ZNF738: variants seen among roughly 807,000 people sequenced by gnomAD.
ZNF738 encodes protein ZNF738.
Under a neutral mutation model 9.2 loss-of-function variants are expected in ZNF738, and 10 were observed. That is an observed-to-expected ratio of 1.09 (90% CI 0.67 to 1.85). The LOEUF (loss-of-function observed/expected upper bound fraction) is 1.85. ZNF738 is among the 40% of genes most tolerant of loss of function. ZNF738 has a pLI of 0.00. For synonymous variants in ZNF738, 113 were observed against 94.5 expected (o/e 1.20, Z -1.14); for missense variants, 346 against 283.6 (o/e 1.22, Z -1.58).
In ZNF738 at chr19:21,367,225, T is replaced by C. The variant is rs146616688; in HGVS notation, c.96+5367T>C. On this transcript the variant is annotated intron_variant, in intron 2 of 4. Coordinates refer to ENST00000683779, the MANE Select transcript of ZNF738 (RefSeq NM_001355237.2). ...TCTTTCTACATCTTTTTTTGTCCTA[T>C]ACATTTCTTCTATTTGACTTTCCTC... Among the ~76,000 whole-genome samples, 1,491 of 152,338 alleles carry C rather than the reference T, an allele frequency of 9.8e-3. 15 individuals carry two copies. Among genetic ancestry groups the C allele is most frequent in the Middle Eastern group, 0.027 (8 of 294 alleles).
At chr19:21,373,543 CAT>C (rs1973883331) in intron 2 of ZNF738, among the ~76,000 whole-genome samples, 1 of 152,172 alleles carries the variant, frequency 6.6e-6, no homozygotes, top group African/African-American at 2.4e-5. Context: ...AATAGAGAAA[CAT>C]ATTTTTATAT....
At chr19:21,363,978 C>T (rs1012639130) in intron 2 of ZNF738, among the ~76,000 whole-genome samples, 1 of 151,664 alleles carries the variant, frequency 6.6e-6, no homozygotes, top group African/African-American at 2.4e-5. Context: ...GGGCATACCA[C>T]CTGATGTCAG....
rs151264437 is a variant in ZNF738 at position 21,367,855 on chromosome 19, A to G, written c.96+5997A>G. Among the ~76,000 whole-genome samples the G allele has an allele frequency of 7.8e-3, 1,194 of 152,262 alleles. 10 individuals are homozygous for G. Among genetic ancestry groups the G allele is most frequent in the Non-Finnish European group, 0.012 (810 of 68,018 alleles). On this transcript the variant is annotated intron_variant, in intron 2 of 4. Coordinates refer to ENST00000683779, the MANE Select transcript of ZNF738 (RefSeq NM_001355237.2). ...CAGGAACTTCACCACAGCATATTTG[A>G]TCCTAGGGTTTCTTGCCAAAAAGAC...
In ZNF738 at chr19:21,385,612, T is replaced by C. The variant is rs1003796915; in HGVS notation, c.*1938T>C. Among the ~76,000 whole-genome samples, 1 of 152,198 alleles carries C rather than the reference T, an allele frequency of 6.6e-6. No homozygotes were observed. Among genetic ancestry groups the C allele is most frequent in the Non-Finnish European group, 1.5e-5 (1 of 68,038 alleles). ...AAGGAAACCCTACAAATGTAAAGAA[T>C]GTGAGAAAGCTTTTAACTGGTACTC... On this transcript the variant is annotated 3_prime_UTR_variant, in exon 5 of 5. Transcript: ENST00000683779.
chr19:21,380,877 T>C (rs997210546), intron 4 of ZNF738, among the ~76,000 whole-genome samples: 4 of 152,158 alleles, frequency 2.6e-5, no homozygotes, highest in African/African-American at 4.8e-5. Context: ...GGGGGATGCA[T>C]GTTCAAGCCA....
rs376944293 is a variant in ZNF738, at chr19:21,371,413, A to G, written c.97-3825A>G. Reference sequence around the variant, plus strand: ...TTATGTTTCTGTCTCGTTGTAAGAGAAAGGAGACATCCTGTGTTTTTTTCT... The same window carrying G: ...TTATGTTTCTGTCTCGTTGTAAGAGGAAGGAGACATCCTGTGTTTTTTTCT... On this transcript the variant is annotated intron_variant, in intron 2 of 4. Transcript: ENST00000683779. Among the ~76,000 whole-genome samples, 5 of 152,324 alleles carry G rather than the reference A, an allele frequency of 3.3e-5. No individual in the cohort carries two copies. In the East Asian group the frequency reaches 9.7e-4, roughly 29 times the overall value.
At chr19:21,380,376 T>A (rs1285548619) in intron 4 of ZNF738, among the ~76,000 whole-genome samples, 3 of 152,192 alleles carry the variant, frequency 2.0e-5, no homozygotes, top group African/African-American at 7.2e-5. Context: ...GGGCAGAGCA[T>A]GTGTCACCTA....
chr19:21,362,388 G>A (rs1053893817), intron 2 of ZNF738, among the ~76,000 whole-genome samples: 1 of 152,198 alleles, frequency 6.6e-6, no homozygotes, highest in Non-Finnish European at 1.5e-5. Context: ...GTGAGATGGT[G>A]TAAGAACTTG....
intron 2 of ZNF738, among the ~76,000 whole-genome samples, chr19:21,368,292 T>A (rs1452068066): frequency 6.6e-6 from 1 of 151,938 alleles, no homozygotes; most frequent in Non-Finnish European, 1.5e-5. Flanking sequence ...CTTCTTTATG[T>A]CCATGTGTTC....
chr19:21,373,768 G>GA (rs1266511122), intron 2 of ZNF738, among the ~76,000 whole-genome samples: 3 of 142,768 alleles, frequency 2.1e-5, no homozygotes, highest in South Asian at 2.3e-4. Context: ...GACAAAAGAG[G>GA]AAAAATGGCT....
intron 2 of ZNF738, among the ~76,000 whole-genome samples, chr19:21,370,391 A>G (rs1422088814): frequency 6.6e-6 from 1 of 152,096 alleles, no homozygotes; most frequent in Non-Finnish European, 1.5e-5. Flanking sequence ...GAATAATGCT[A>G]TTTTTATAGA....
chr19:21,382,083 T>TTTC (rs61105772), intron 4 of ZNF738, among the ~76,000 whole-genome samples: 7 of 147,980 alleles, frequency 4.7e-5, no homozygotes, highest in African/African-American at 1.7e-4. Context: ...TTTTTTTTTT[T>TTTC]GAGATGTAGT....
Position 21,383,693 on chromosome 19 carries a change from G to T in ZNF738, c.*19G>T. The T allele has an allele frequency of 2.1e-6, 2 of 943,564 alleles. No homozygotes were observed. The highest frequency in any genetic ancestry group is 3.4e-6 in the Non-Finnish European group (2 of 596,926). 58.4% of individuals were successfully genotyped at this position (943,564 alleles called of 1,614,324 possible). A position where few individuals can be genotyped will look rare whatever the true frequency, so the allele number is the denominator to read the frequency against. On this transcript the variant is annotated 3_prime_UTR_variant, in exon 5 of 5. Coordinates refer to ENST00000683779, the MANE Select transcript of ZNF738 (RefSeq NM_001355237.2). ...TGAATAATGTGGCAAAGCCTTTAAT[G>T]TATTCGCAACCCTTACTAGACATAA...
chr19:21,368,471 T>C (rs112565352), intron 2 of ZNF738, among the ~76,000 whole-genome samples: 8 of 152,294 alleles, frequency 5.3e-5, no homozygotes, highest in African/African-American at 1.4e-4. Flanking sequence ...TTTTTTTTCT[T>C]TTTTTTGAGA....
chr19:21,368,494 C>G (rs952435657), intron 2 of ZNF738, among the ~76,000 whole-genome samples: 1 of 151,636 alleles, frequency 6.6e-6, no homozygotes, highest in African/African-American at 2.4e-5. Flanking sequence ...TAGTTCTGCT[C>G]TTGTTGTCCA....
chr19:21,365,529 T>A (rs529016722), intron 2 of ZNF738, among the ~76,000 whole-genome samples: 3 of 152,290 alleles, frequency 2.0e-5, no homozygotes, highest in South Asian at 4.1e-4. Flanking sequence ...ATGATATTCT[T>A]GCTTAACTAT....
chr19:21,381,117 G>T, intron 4 of ZNF738: 1 of 724,128 alleles, frequency 1.4e-6, no homozygotes, highest in Non-Finnish European at 2.4e-6. Flanking sequence ...TTCCTTACAA[G>T]GCAGCAGCAC....
rs566831778 is a variant in ZNF738, at chr19:21,367,391, G to T, written c.96+5533G>T. Among the ~76,000 whole-genome samples, 19 of 152,258 alleles carry T rather than the reference G, an allele frequency of 1.2e-4. No individual in the cohort carries two copies. The South Asian group carries it at 1.7e-3, about 13-fold the overall frequency. On this transcript the variant is annotated intron_variant, in intron 2 of 4. Coordinates refer to ENST00000683779, the MANE Select transcript of ZNF738 (RefSeq NM_001355237.2). The stretch of plus-strand genomic sequence containing the variant: ...AACAGTAGCTCAGACACATAGATGG[G>T]CCTATGGGGTTTGTGACTGGCATCT...
Position 21,382,889 on chromosome 19 carries a change from G to A in ZNF738, c.343G>A (p.Asp115Asn). Residue 115 changes from aspartate to asparagine, a missense_variant, in exon 5 of 5, where the codon GAC becomes AAC. Transcript: ENST00000683779. Reference protein sequence around the residue: ...PPVTYSHFAQDLWPQPGIKDS... With the variant: ...PPVTYSHFAQNLWPQPGIKDS... ...AGTTACATATTCTCATTTTGCCCAG[G>A]ACCTTTGGCCACAGCCGGGCATAAA... The A allele has an allele frequency of 2.0e-6, 1 of 496,944 alleles. No homozygotes were observed. The highest frequency in any genetic ancestry group is 3.9e-6 in the Non-Finnish European group (1 of 259,580). The allele number at this position is 496,944 out of a possible 1,614,324, so 30.8% of individuals were successfully genotyped here.
Sources: gnomAD v4.1 joint callset for allele counts (sites outside exome capture counted in the v4.1 genomes callset) on GRCh38, gnomAD v4.1.1 for gene constraint, MANE v1.5 for transcripts, NCBI Gene and HGNC (gene_info 2026-07-23, HGNC 2026-07-21) for gene names.